Variants in USPL1 observed in about 807,000 individuals in gnomAD.
The protein encoded by USPL1 is SUMO-specific isopeptidase USPL1.
Under a neutral mutation model 51.5 loss-of-function variants are expected in USPL1, and 27 were observed. The observed-to-expected ratio is 0.52, with a 90% CI of 0.39 to 0.72. USPL1 has a LOEUF of 0.72. USPL1 is among the 30% of genes least tolerant of loss of function. USPL1 has a pLI of 0.00. For missense variants in USPL1, 1,226 were observed against 1,268.0 expected, an observed-to-expected ratio of 0.97 and a Z score of 0.50; for synonymous variants, 451 against 459.6, an observed-to-expected ratio of 0.98 and a Z score of 0.24.
rs1388744266 is a variant in USPL1 at position 30,621,747 on chromosome 13, CTTTA to C, written c.100-13_100-10del. 2.8e-6 allele frequency: 4 copies of C among 1,447,858 alleles called. No homozygotes were observed. The highest frequency in any genetic ancestry group is 2.7e-6 in the Non-Finnish European group (3 of 1,098,580). 89.7% of individuals were successfully genotyped at this position (1,447,858 alleles called of 1,614,324 possible). On this transcript the variant is annotated splice_polypyrimidine_tract_variant and intron_variant, in intron 2 of 8. Coordinates refer to ENST00000255304, the MANE Select transcript of USPL1 (RefSeq NM_005800.5). ...CTAGGAATGTCTATATTTTAATTTG[CTTTA>C]TTTCTCTTTTAGAATTTTGATTCAG...
At position 30,657,756 on chromosome 13, in the gene USPL1, T is replaced by G; in HGVS notation, c.1679T>G (p.Leu560Arg). 1.2e-6 allele frequency: 2 copies of G among 1,614,186 alleles called. No individual in the cohort carries two copies. The highest frequency in any genetic ancestry group is 1.7e-6 in the Non-Finnish European group (2 of 1,180,024). Residue 560 changes from leucine to arginine, a missense_variant, in exon 9 of 9, where the codon CTT becomes CGT. Leu to Arg is a moderately radical substitution (Grantham distance 102). Coordinates refer to ENST00000255304, the MANE Select transcript of USPL1 (RefSeq NM_005800.5). ...PKDISVAPRTLSQDTAVTHGD... is the reference protein window; with the variant it reads ...PKDISVAPRTRSQDTAVTHGD... ...GATATATCAGTTGCCCCTCGTACTC[T>G]TTCACAGGACACAGCTGTAACTCAT...
chr13:30,650,922 G>A (rs1001494313), intron 7 of USPL1, among the ~76,000 whole-genome samples: 1 of 151,922 alleles, frequency 6.6e-6, no homozygotes, highest in Admixed American at 6.5e-5. Context: ...CCCAGGGGGC[G>A]GAGGTTGCAG....
At chr13:30,641,164 C>T (rs1004416144) in intron 5 of USPL1, among the ~76,000 whole-genome samples, 1 of 152,182 alleles carries the variant, frequency 6.6e-6, no homozygotes, top group African/African-American at 2.4e-5. Context: ...AAAGTAAATA[C>T]CAATCATAGG....
intron 4 of USPL1, among the ~76,000 whole-genome samples, chr13:30,632,233 G>A (rs1422727802): frequency 3.3e-5 from 5 of 151,738 alleles, no homozygotes; most frequent in Non-Finnish European, 4.4e-5. Context: ...TTTTGTTCTT[G>A]TGTTAGTTTG....
At chr13:30,627,655 A>AT (rs924050043) in intron 3 of USPL1, among the ~76,000 whole-genome samples, 195 of 151,190 alleles carry the variant, frequency 1.3e-3, no homozygotes, top group African/African-American at 4.4e-3. Flanking sequence ...TCGTCTCAGG[A>AT]TTTTTTTTTC....
intron 1 of USPL1, among the ~76,000 whole-genome samples, chr13:30,618,716 G>A (rs1165306162): frequency 6.6e-6 from 1 of 152,208 alleles, no homozygotes; most frequent in African/African-American, 2.4e-5. Flanking sequence ...GTGGTTCACA[G>A]AAGTATGAAA....
rs1367813854 is a variant in USPL1 at position 30,623,310 on chromosome 13, T to TG, written c.228+1423dup. Among the ~76,000 whole-genome samples, 3 of 152,074 alleles carry TG rather than the reference T, an allele frequency of 2.0e-5. No individual in the cohort carries two copies. The East Asian group carries it at 5.8e-4, about 29-fold the overall frequency. On this transcript the variant is annotated intron_variant, in intron 3 of 8. Transcript: ENST00000255304. Reference sequence around the variant, plus strand: ...GATAGAAGGTGGATCAGAAAAATAATGGGGGAGCTGGACCAAGTAGGGTCT... The same window carrying TG: ...GATAGAAGGTGGATCAGAAAAATAATGGGGGGAGCTGGACCAAGTAGGGTCT...
At chr13:30,626,587 C>A (rs573527187) in intron 3 of USPL1, among the ~76,000 whole-genome samples, 2 of 152,234 alleles carry the variant, frequency 1.3e-5, no homozygotes, top group East Asian at 3.9e-4. Flanking sequence ...TATAAGTCCT[C>A]TGAATCAAAT....
chr13:30,635,965 A>G (rs1307383488), intron 4 of USPL1, among the ~76,000 whole-genome samples: 1 of 152,190 alleles, frequency 6.6e-6, no homozygotes, highest in Admixed American at 6.5e-5. Flanking sequence ...AAAATACCTC[A>G]GTGTTTTCTA....
At chr13:30,638,253 G>A (rs1025089813) in intron 5 of USPL1, among the ~76,000 whole-genome samples, 7 of 152,100 alleles carry the variant, frequency 4.6e-5, no homozygotes, top group African/African-American at 1.7e-4. Flanking sequence ...TCAGGGATGG[G>A]GCTCAGGAAA....
intron 7 of USPL1, among the ~76,000 whole-genome samples, chr13:30,647,645 G>T (rs908358649): frequency 2.0e-5 from 3 of 152,172 alleles, no homozygotes; most frequent in East Asian, 3.9e-4. Flanking sequence ...TCCATCTCAG[G>T]CCGTTTCCCT....
intron 4 of USPL1, among the ~76,000 whole-genome samples, chr13:30,635,514 C>T (rs1480304432): frequency 6.6e-6 from 1 of 152,204 alleles, no homozygotes; most frequent in Non-Finnish European, 1.5e-5. Flanking sequence ...ACCCAGCACT[C>T]ATACTTTTTA....
At position 30,659,566 on chromosome 13, in the gene USPL1, A is replaced by G. The variant is rs1323464515; in HGVS notation, c.*210A>G. 1.3e-5 allele frequency: 6 copies of G among 470,388 alleles called. No homozygotes were observed. The highest frequency in any genetic ancestry group is 2.2e-5 in the Non-Finnish European group (6 of 275,682). 29.1% of individuals were successfully genotyped at this position (470,388 alleles called of 1,614,324 possible). A position where few individuals can be genotyped will look rare whatever the true frequency, so the allele number is the denominator to read the frequency against. On this transcript the variant is annotated 3_prime_UTR_variant, in exon 9 of 9. Coordinates refer to ENST00000255304, the MANE Select transcript of USPL1 (RefSeq NM_005800.5). ...TGAATGTGTTCTCCTTTTTGGTTTC[A>G]TTTTGTTCTTGTGAGAGTATGAGGA... is the stretch of plus-strand genomic sequence containing the variant.
intron 8 of USPL1, among the ~76,000 whole-genome samples, chr13:30,654,361 C>T (rs1593393293): frequency 6.6e-6 from 1 of 151,826 alleles, no homozygotes; most frequent in East Asian, 1.9e-4. Flanking sequence ...CTCTCTCTCT[C>T]TTTCTCTCTC....
chr13:30,657,846 A>G lies in USPL1; in HGVS notation c.1769A>G (p.Glu590Gly). Reference protein sequence around the residue: ...VDNILPLTLEETIQKTASVSQ... With the variant: ...VDNILPLTLEGTIQKTASVSQ... ...AATATTTTACCTCTGACACTTGAAG[A>G]AACTATCCAGAAAACAGCCTCAGTT... Residue 590 changes from glutamate to glycine, a missense_variant, in exon 9 of 9, where the codon GAA becomes GGA. Glu to Gly is a moderately conservative substitution (Grantham distance 98, BLOSUM62 -2). Coordinates refer to ENST00000255304, the MANE Select transcript of USPL1 (RefSeq NM_005800.5). 2 of 1,614,054 alleles carry G rather than the reference A, an allele frequency of 1.2e-6. No homozygotes were observed. The highest frequency in any genetic ancestry group is 1.7e-6 in the Non-Finnish European group (2 of 1,180,044).
intron 5 of USPL1, among the ~76,000 whole-genome samples, chr13:30,639,175 C>T (rs1344057865): frequency 6.6e-6 from 1 of 150,886 alleles, no homozygotes; most frequent in African/African-American, 2.4e-5. Context: ...GAGATCACGC[C>T]ATTGCATTCC....
chr13:30,640,873 A>G (rs1227251201), intron 5 of USPL1, among the ~76,000 whole-genome samples: 2 of 152,216 alleles, frequency 1.3e-5, no homozygotes, highest in Admixed American at 6.5e-5. Context: ...CATCATAAGG[A>G]AATATAATAC....
At chr13:30,643,584 A>C in intron 6 of USPL1, among the ~76,000 whole-genome samples, 1 of 147,390 alleles carries the variant, frequency 6.8e-6, no homozygotes, top group Middle Eastern at 3.2e-3. Context: ...TTATTACAAT[A>C]GAAATAACTC....
chr13:30,654,334 C>CCT (rs1234193736), intron 8 of USPL1, among the ~76,000 whole-genome samples: 2 of 151,508 alleles, frequency 1.3e-5, no homozygotes, highest in Non-Finnish European at 2.9e-5. Context: ...TTCCTTCGTT[C>CCT]CTCTCTCTCA....
Sources: allele counts gnomAD v4.1 joint callset (sites outside exome capture counted in the v4.1 genomes callset), GRCh38; gene constraint gnomAD v4.1.1; transcripts MANE v1.5; gene names NCBI Gene and HGNC (gene_info 2026-07-23, HGNC 2026-07-21).